The following TFB1M variants were observed in gnomAD, a reference collection of about 807,000 sequenced individuals.
TFB1M encodes transcription factor B1, mitochondrial, also known as dimethyladenosine transferase 1, mitochondrial.
A neutral mutation model predicts 31.1 loss-of-function variants in TFB1M; 27 were observed. The ratio of observed to expected loss-of-function variants is 0.87; its 90% CI spans 0.64 to 1.20. The LOEUF is 1.20. TFB1M is among the 50% of genes most tolerant of loss of function. The pLI is 0.00. For missense variants in TFB1M, 394 were observed against 418.7 expected (o/e 0.94, Z 0.51); for synonymous variants, 166 against 151.8 (o/e 1.09, Z -0.69).
At chr6:155,270,404 T>C (rs1784865786) in intron 5 of TFB1M, among the ~76,000 whole-genome samples, 2 of 152,282 alleles carry the variant, frequency 1.3e-5, no homozygotes, top group South Asian at 2.1e-4. Flanking sequence ...CAGAAGTGGA[T>C]AGTAATGTTG....
At chr6:155,244,596 T>A in the TFB1M span, 18 of 1,571,532 alleles carry the variant, frequency 1.1e-5, no homozygotes, top group Non-Finnish European at 1.5e-5. Flanking sequence ...GGCCTAAGAG[T>A]TAGCGTGGTG....
At chr6:155,238,084 T>G in the TFB1M span, among the ~76,000 whole-genome samples, 1 of 152,232 alleles carries the variant, frequency 6.6e-6, no homozygotes, top group Non-Finnish European at 1.5e-5. Flanking sequence ...AGCACTCAAG[T>G]CACATCTTGA....
chr6:155,247,768 G>C, the TFB1M span, among the ~76,000 whole-genome samples: 16 of 152,220 alleles, frequency 1.1e-4, no homozygotes, highest in Non-Finnish European at 1.5e-4. Flanking sequence ...TTGGGGCGCA[G>C]CCTGCATTCC....
chr6:155,311,303 G>A lies in TFB1M; in HGVS notation c.170C>T (p.Ala57Val). Residue 57 changes from alanine to valine, a missense_variant, in exon 2 of 7, where the codon GCT becomes GTT. By Grantham distance (64) the Ala-to-Val change is moderately conservative. Transcript: ENST00000367166. Reference protein sequence around the residue: ...IVRKAGNLTNAYVYEVGPGPG... With the variant: ...IVRKAGNLTNVYVYEVGPGPG... ...CCCAGGGCCCACTTCGTAAACATAA[G>A]CATTTGTCAGATTGCCAGCTTTCCT... is the stretch of plus-strand genomic sequence containing the variant. The A allele has an allele frequency of 6.2e-7, 1 of 1,613,932 alleles. No individual in the cohort carries two copies. The highest frequency in any genetic ancestry group is 8.5e-7 in the Non-Finnish European group (1 of 1,179,860).
intron 5 of TFB1M, among the ~76,000 whole-genome samples, chr6:155,280,105 C>G (rs117408855): frequency 6.6e-6 from 1 of 152,014 alleles, no homozygotes; most frequent in Non-Finnish European, 1.5e-5. Flanking sequence ...ATTAAATGTT[C>G]CTGGTTGAAG....
At chr6:155,266,023 G>T (rs545384446) in intron 5 of TFB1M, among the ~76,000 whole-genome samples, 59 of 151,938 alleles carry the variant, frequency 3.9e-4, no homozygotes, top group African/African-American at 1.4e-3. Context: ...AGCTGAGCCG[G>T]CAGCTGATTA....
chr6:155,281,781 ACGAACTATGTT>A (rs1292382021), intron 5 of TFB1M, among the ~76,000 whole-genome samples: 1 of 149,198 alleles, frequency 6.7e-6, no homozygotes, highest in Non-Finnish European at 1.5e-5. Flanking sequence ...TCCACTCTTT[ACGAACTATGTT>A]AGATTATGAA....
chr6:155,305,199 T>A (rs867964915), intron 2 of TFB1M, among the ~76,000 whole-genome samples: 1 of 63,242 alleles, frequency 1.6e-5, no homozygotes, highest in Non-Finnish European at 2.5e-5. Flanking sequence ...TATATATTTA[T>A]ATATATATTA....
chr6:155,306,510 T>C (rs1777772512), intron 2 of TFB1M, among the ~76,000 whole-genome samples: 2 of 152,070 alleles, frequency 1.3e-5, no homozygotes, highest in Non-Finnish European at 2.9e-5. Flanking sequence ...ACAAATTTGG[T>C]ATATTCAGAA....
chr6:155,277,354 T>C (rs1222406063), intron 5 of TFB1M, among the ~76,000 whole-genome samples: 2 of 152,242 alleles, frequency 1.3e-5, no homozygotes, highest in East Asian at 3.8e-4. Context: ...AGAATGCTTT[T>C]AAAATATAAA....
intron 1 of TFB1M, among the ~76,000 whole-genome samples, chr6:155,313,718 C>T (rs1778117012): frequency 6.6e-6 from 1 of 152,132 alleles, no homozygotes; most frequent in Non-Finnish European, 1.5e-5. Context: ...CTCGAGGAAA[C>T]ACCGCCTTGT....
At chr6:155,251,985 C>G (rs1371517174), downstream of TFB1M, 1 of 1,604,346 alleles carries the variant, frequency 6.2e-7, no homozygotes, top group Non-Finnish European at 8.5e-7. Flanking sequence ...AAGAAAACTG[C>G]AAACTGAAAA....
intron 4 of TFB1M, among the ~76,000 whole-genome samples, chr6:155,296,140 G>A (rs1289915703): frequency 2.6e-5 from 4 of 152,124 alleles, no homozygotes; most frequent in Non-Finnish European, 4.4e-5. Flanking sequence ...GAACACTTCT[G>A]CCATGGGAAT....
intron 5 of TFB1M, among the ~76,000 whole-genome samples, chr6:155,261,174 A>C (rs371995795): frequency 6.6e-6 from 1 of 152,274 alleles, no homozygotes; most frequent in Admixed American, 6.5e-5. Flanking sequence ...ATTTAAAGAC[A>C]GAGGGAAATG....
chr6:155,245,460 G>A, the TFB1M span, among the ~76,000 whole-genome samples: 12 of 152,204 alleles, frequency 7.9e-5, no homozygotes, highest in African/African-American at 1.7e-4. Flanking sequence ...CCAGGGGAGC[G>A]CCTGGGCTGT....
the TFB1M span, chr6:155,245,577 A>G: frequency 6.7e-7 from 1 of 1,500,172 alleles, no homozygotes; most frequent in African/African-American, 1.4e-5. Context: ...GCCAGCACGC[A>G]TTGATTAAAC....
intron 2 of TFB1M, among the ~76,000 whole-genome samples, chr6:155,300,396 T>A (rs1350415949): frequency 6.6e-6 from 1 of 152,174 alleles, no homozygotes; most frequent in Non-Finnish European, 1.5e-5. Flanking sequence ...AGGCAATAAA[T>A]CTTGGAAAAT....
intron 5 of TFB1M, among the ~76,000 whole-genome samples, chr6:155,268,501 A>G (rs1784764786): frequency 6.6e-6 from 1 of 152,238 alleles, no homozygotes; most frequent in African/African-American, 2.4e-5. Flanking sequence ...TATTTCCAAA[A>G]TACTCAGTTA....
At chr6:155,305,527 A>C (rs1161970981) in intron 2 of TFB1M, among the ~76,000 whole-genome samples, 1 of 51,856 alleles carries the variant, frequency 1.9e-5, no homozygotes, top group Admixed American at 3.8e-4. Flanking sequence ...ATATATATTA[A>C]ATTATATATT....
Sources: gnomAD v4.1 joint callset for allele counts (sites outside exome capture counted in the v4.1 genomes callset) on GRCh38, gnomAD v4.1.1 for gene constraint, MANE v1.5 for transcripts, NCBI Gene and HGNC (gene_info 2026-07-23, HGNC 2026-07-21) for gene names.